The following DYSF variants were observed in gnomAD, a reference collection of about 807,000 sequenced individuals.
DYSF encodes dysferlin, also known as dystrophy-associated fer-1-like 1.
DYSF carries 212 observed loss-of-function variants against 274.9 expected under a neutral mutation model. That is an observed-to-expected ratio of 0.77 (90% CI 0.69 to 0.86). The LOEUF (loss-of-function observed/expected upper bound fraction) is 0.86. DYSF is among the 40% of genes least tolerant of loss of function. The pLI, the probability that DYSF is intolerant of heterozygous loss-of-function variation, is 0.00. For synonymous variants in DYSF, 1,091 were observed against 1,078.7 expected (o/e 1.01, Z -0.22); for missense variants, 2,666 against 2,783.2 (o/e 0.96, Z 0.95).
Position 71,643,962 on chromosome 2 carries a change from C to T in DYSF, c.4528-3C>T. ...AATGGTCTCTTTCTTTCTACCCACT[C>T]AGGAGGAAGAGTTCATCGATTGGTG... On this transcript the variant is annotated splice_polypyrimidine_tract_variant and splice_region_variant and intron_variant, in intron 41 of 55. Transcript: ENST00000410020. The T allele has an allele frequency of 6.2e-7, 1 of 1,606,408 alleles. No individual in the cohort carries two copies. The highest frequency in any genetic ancestry group is 8.5e-7 in the Non-Finnish European group (1 of 1,175,566).
intron 10 of DYSF, 91 bp downstream of exon 10, chr2:71,517,130 C>G: frequency 8.5e-7 from 1 of 1,183,406 alleles, no homozygotes; most frequent in Non-Finnish European, 1.3e-6. Context: ...TCCAGAGATC[C>G]TGTGTTTCTC....
At chr2:71,492,403 T>C (rs980244986) in intron 3 of DYSF, among the ~76,000 whole-genome samples, 3 of 152,214 alleles carry the variant, frequency 2.0e-5, no homozygotes, top group African/African-American at 7.2e-5. Flanking sequence ...CTCTCTCACT[T>C]TCCTGTCACC....
chr2:71,556,743 C>T (rs999252376), intron 22 of DYSF, among the ~76,000 whole-genome samples: 1 of 152,220 alleles, frequency 6.6e-6, no homozygotes, highest in Non-Finnish European at 1.5e-5. Context: ...CTTTATCTGA[C>T]TTGGTAACTT....
intron 17 of DYSF, among the ~76,000 whole-genome samples, chr2:71,550,125 G>T (rs2090824868): frequency 6.6e-6 from 1 of 152,218 alleles, no homozygotes; most frequent in Admixed American, 6.5e-5. Flanking sequence ...GGACTGATTG[G>T]GTCGTTCCAG....
In DYSF at chr2:71,636,937, G is replaced by T. The variant is rs933999255; in HGVS notation, c.4528-7028G>T. 5.3e-5 allele frequency among the ~76,000 whole-genome samples: 8 copies of T among 152,326 alleles called. 1 individual carries two copies. Among genetic ancestry groups the T allele is most frequent in the Admixed American group, 5.2e-4 (8 of 15,310 alleles). ...GGCGAGGGGAGATGCTTCAGGGACA[G>T]AGGAGTGACCACTTCTGCCAAATAC... On this transcript the variant is annotated intron_variant, in intron 41 of 55. Coordinates refer to ENST00000410020, the MANE Select transcript of DYSF (RefSeq NM_001130987.2).
intron 32 of DYSF, among the ~76,000 whole-genome samples, chr2:71,595,030 G>A (rs909978046): frequency 6.6e-6 from 1 of 152,150 alleles, no homozygotes; most frequent in Non-Finnish European, 1.5e-5. Flanking sequence ...TACAAATAAC[G>A]CAAGAGTGAA....
chr2:71,590,658 G>T (rs529805558), intron 32 of DYSF, among the ~76,000 whole-genome samples: 2 of 152,256 alleles, frequency 1.3e-5, no homozygotes, highest in South Asian at 2.1e-4. Flanking sequence ...GGGCACCGGG[G>T]TCCCCCAACT....
chr2:71,558,860 C>T (rs1200935250), intron 22 of DYSF, among the ~76,000 whole-genome samples: 1 of 152,128 alleles, frequency 6.6e-6, no homozygotes, highest in Non-Finnish European at 1.5e-5. Context: ...CGCTCAGCTC[C>T]ACCTGAGGCC....
At chr2:71,538,182 T>C (rs984554138) in intron 16 of DYSF, among the ~76,000 whole-genome samples, 1 of 152,252 alleles carries the variant, frequency 6.6e-6, no homozygotes, top group Non-Finnish European at 1.5e-5. Flanking sequence ...GTAGTGCCGA[T>C]GTGAGAATGA....
Position 71,526,428 on chromosome 2 carries a change from G to T in DYSF, c.1276+82G>T. ...GGTGGGGGTGGGCGATGGCGGGCGG[G>T]GTCAGCTCCCTGGGGGAAGGAGAGG... On this transcript the variant is annotated intron_variant, in intron 13 of 55. Coordinates refer to ENST00000410020, the MANE Select transcript of DYSF (RefSeq NM_001130987.2). 2 of 1,527,780 alleles carry T rather than the reference G, an allele frequency of 1.3e-6. 1 individual carries two copies. Among genetic ancestry groups the T allele is most frequent in the Non-Finnish European group, 1.8e-6 (2 of 1,126,854 alleles). 94.6% of individuals were successfully genotyped at this position (1,527,780 alleles called of 1,614,324 possible).
At chr2:71,532,834 A>ATCTATCTATCTGTCTG (rs546663617) in intron 14 of DYSF, among the ~76,000 whole-genome samples, 3 of 98,826 alleles carry the variant, frequency 3.0e-5, no homozygotes, top group African/African-American at 3.5e-5. Context: ...CATTTATTCT[A>ATCTATCTATCTGTCTG]TCTATCTATC....
rs1452116855 is a variant in DYSF at position 71,611,595 on chromosome 2, A to T, written c.4190A>T (p.Asn1397Ile). Residue 1397 changes from asparagine to isoleucine, a missense_variant, in exon 38 of 56, where the codon AAC becomes ATC. By Grantham distance (149) the Asn-to-Ile change is moderately radical. Around this residue, in one of 3 missense-constraint regions of DYSF, gnomAD observed 1,460 missense variants for 1,502.1 expected, o/e 0.97. Coordinates refer to ENST00000410020, the MANE Select transcript of DYSF (RefSeq NM_001130987.2). ...ATCAGGAACCTCCGGAAGAACCCCA[A>T]CTTTGACATCTGCACCCTCTTCATG... Reference protein sequence around the residue: ...CVIRNLRKNPNFDICTLFMEV... With the variant: ...CVIRNLRKNPIFDICTLFMEV... 1 of 1,614,078 alleles carries T rather than the reference A, an allele frequency of 6.2e-7. No individual in the cohort carries two copies. The highest frequency in any genetic ancestry group is 1.3e-5 in the African/African-American group (1 of 75,018).
intron 53 of DYSF, among the ~76,000 whole-genome samples, chr2:71,679,597 C>T (rs2095271167): frequency 6.6e-6 from 1 of 152,078 alleles, no homozygotes; most frequent in Non-Finnish European, 1.5e-5. Context: ...CAGGACCCTC[C>T]AAGGGACCAT....
At chr2:71,607,002 G>C (rs1254438178) in intron 36 of DYSF, among the ~76,000 whole-genome samples, 2 of 152,138 alleles carry the variant, frequency 1.3e-5, no homozygotes, top group Admixed American at 6.5e-5. Context: ...TGTTGGACGG[G>C]GGAATTCAGC....
At chr2:71,462,849 T>C (rs750370277), upstream of DYSF, among the ~76,000 whole-genome samples, 5 of 152,196 alleles carry the variant, frequency 3.3e-5, no homozygotes, top group African/African-American at 1.2e-4. Context: ...TGTCTGAGTC[T>C]AGCTGAGTCC....
At chr2:71,659,127 C>A in intron 44 of DYSF, 94 bp downstream of exon 44, 1 of 1,540,034 alleles carries the variant, frequency 6.5e-7, no homozygotes, top group South Asian at 1.1e-5. Context: ...TCAGGGAGTT[C>A]ATAGTAGGTT....
chr2:71,461,961 A>G (rs2081300269), upstream of DYSF, among the ~76,000 whole-genome samples: 1 of 152,240 alleles, frequency 6.6e-6, no homozygotes, highest in Non-Finnish European at 1.5e-5. Flanking sequence ...ACTGGTGTCC[A>G]GAGACCCAGT....
chr2:71,549,542 T>C (rs1264601482), intron 17 of DYSF: 1 of 736,864 alleles, frequency 1.4e-6, no homozygotes, highest in Non-Finnish European at 2.3e-6. Context: ...TTACCTTTGC[T>C]GTCACCTCTC....
At chr2:71,473,918 ATTTTTTTTTT>A (rs10659171) in intron 1 of DYSF, among the ~76,000 whole-genome samples, 11 of 83,806 alleles carry the variant, frequency 1.3e-4, no homozygotes, top group African/African-American at 4.6e-4. Context: ...TTTCTGTATG[ATTTTTTTTTT>A]TTTTTTTTTT....
Sources: gnomAD v4.1 joint callset for allele counts (sites outside exome capture counted in the v4.1 genomes callset) on GRCh38, gnomAD v4.1.1 for gene constraint, gnomAD v4.1.1 regional missense constraint, MANE v1.5 for transcripts, NCBI Gene and HGNC (gene_info 2026-07-23, HGNC 2026-07-21) for gene names.